The following ZNF609 variants were observed in gnomAD, a reference collection of about 807,000 sequenced individuals.
The protein encoded by ZNF609 is zinc finger protein 609.
Under a neutral mutation model 109.5 loss-of-function variants are expected in ZNF609, and 11 were observed. The observed-to-expected ratio is 0.10, with a 90% CI of 0.06 to 0.17. ZNF609 has a LOEUF of 0.17. ZNF609 is among the 10% of genes least tolerant of loss of function. The pLI, the probability that ZNF609 is intolerant of heterozygous loss-of-function variation, is 1.00. For synonymous variants in ZNF609, 646 were observed against 662.0 expected (o/e 0.98, Z 0.37); for missense variants, 1,559 against 1,772.4 (o/e 0.88, Z 2.16).
intron 2 of ZNF609, among the ~76,000 whole-genome samples, chr15:64,531,183 G>A (rs1356081173): frequency 6.6e-6 from 1 of 152,068 alleles, no homozygotes. Context: ...TGGGCAAGAT[G>A]GCAGATTCAC....
intron 3 of ZNF609, among the ~76,000 whole-genome samples, chr15:64,639,456 T>A (rs1175508748): frequency 1.3e-5 from 2 of 152,056 alleles, no homozygotes; most frequent in African/African-American, 2.4e-5. Context: ...GGAAGAATTC[T>A]TCTTTTCTTC....
Position 64,577,204 on chromosome 15 carries a change from CAT to C in ZNF609, c.748-45616_748-45615del, listed in dbSNP as rs1195507152. Among the ~76,000 whole-genome samples the C allele has an allele frequency of 8.7e-4, 69 of 79,588 alleles. 30 individuals carry two copies. Among genetic ancestry groups the C allele is most frequent in the African/African-American group, 2.6e-3 (59 of 22,376 alleles). 52.2% of individuals were successfully genotyped at this position (79,588 alleles called of 152,430 possible). On this transcript the variant is annotated intron_variant, in intron 2 of 9. Transcript: ENST00000326648. ...ATATGTGTATATATACACACAAATA[CAT>C]ATATATGTATATATATACACACAAA...
intron 2 of ZNF609, among the ~76,000 whole-genome samples, chr15:64,596,544 T>C (rs1232115886): frequency 6.6e-6 from 1 of 152,180 alleles, no homozygotes; most frequent in Non-Finnish European, 1.5e-5. Context: ...TGGCTCCTTC[T>C]CATCTTTTGG....
intron 8 of ZNF609, 97 bp downstream of exon 8, chr15:64,680,959 G>GTGGA: frequency 7.3e-7 from 1 of 1,369,884 alleles, no homozygotes; most frequent in Non-Finnish European, 9.9e-7. Flanking sequence ...CCTCCTACCT[G>GTGGA]CCTCATAAGA....
rs183057500 is a variant in ZNF609 at position 64,466,008 on chromosome 15, C to T, written c.-128+5170C>T. On this transcript the variant is annotated intron_variant, in intron 1 of 9. Transcript: ENST00000326648. ...GTGCACTCCTGTAATTCCAGCTACTCGGGAGGCTGAGGCAGGAGAATCGCT... is the reference window on the plus strand; with the variant it reads ...GTGCACTCCTGTAATTCCAGCTACTTGGGAGGCTGAGGCAGGAGAATCGCT... 2.7e-3 allele frequency among the ~76,000 whole-genome samples: 392 copies of T among 146,260 alleles called. 1 individual carries two copies. Among genetic ancestry groups the T allele is most frequent in the Non-Finnish European group, 4.5e-3 (299 of 67,082 alleles).
chr15:64,679,797 A>G (rs1204544900), intron 6 of ZNF609, among the ~76,000 whole-genome samples: 2 of 152,216 alleles, frequency 1.3e-5, no homozygotes, highest in African/African-American at 2.4e-5. Context: ...CTGAAGCTCA[A>G]AACAGTTATT....
rs150390373 is a variant in ZNF609, at chr15:64,678,158, T to A, written c.3445T>A (p.Tyr1149Asn). 24 of 1,613,954 alleles carry A rather than the reference T, an allele frequency of 1.5e-5. No individual in the cohort carries two copies. Among genetic ancestry groups the A allele is most frequent in the Non-Finnish European group, 2.0e-5 (24 of 1,180,026 alleles). ...RMWTYVYPAK[Y>N]SDIKSEDERW... ...GTGGACATATGTTTATCCTGCCAAG[T>A]ACTCAGACATCAAGTCAGAGGATGA... is the stretch of plus-strand genomic sequence containing the variant. Residue 1149 changes from tyrosine to asparagine, a missense_variant, in exon 6 of 10, where the codon TAC becomes AAC. Physicochemically the swap from Tyr to Asn is moderately radical, Grantham distance 143 (BLOSUM62 -2). This residue lies in a region of ZNF609 where 1,204 missense variants were observed against 1,314.1 expected (regional missense o/e 0.92). Coordinates refer to ENST00000326648, the MANE Select transcript of ZNF609 (RefSeq NM_015042.2).
intron 3 of ZNF609, among the ~76,000 whole-genome samples, chr15:64,654,893 G>A (rs1181525044): frequency 2.0e-5 from 3 of 151,592 alleles, no homozygotes; most frequent in African/African-American, 7.3e-5. Flanking sequence ...TCAGGAGATC[G>A]AGACCATCCT....
chr15:64,631,429 G>A (rs1303993555), intron 3 of ZNF609: 7 of 732,904 alleles, frequency 9.6e-6, no homozygotes, highest in African/African-American at 8.6e-5. Flanking sequence ...GGTAACACTT[G>A]TGGGGCATTC....
chr15:64,617,470 G>A (rs935118496), intron 2 of ZNF609, among the ~76,000 whole-genome samples: 10 of 151,204 alleles, frequency 6.6e-5, no homozygotes, highest in Non-Finnish European at 1.0e-4. Context: ...CAGCCTGGAC[G>A]ACAGAGCGAG....
At position 64,500,099 on chromosome 15, in the gene ZNF609, G is replaced by A. The variant is rs1472214764; in HGVS notation, c.680G>A (p.Gly227Glu). ...CCTGGGGCAGCGCTCAATCCTTTGG[G>A]AACTAAACCGGAGCCAGAGGAAGGG... ...IEPGAALNPL[G>E]TKPEPEEGEN... is the part of the protein sequence containing the mutation. The change falls in exon 2 of 10, where the codon GGA becomes GAA. Residue 227 changes from glycine (G) to glutamate (E), a missense_variant. Physicochemically the swap from Gly to Glu is moderately conservative, Grantham distance 98. Around this residue, in one of 4 missense-constraint regions of ZNF609, gnomAD observed 291 missense variants for 317.8 expected, o/e 0.92. Transcript: ENST00000326648. 6.2e-7 allele frequency: 1 copy of A among 1,614,084 alleles called. No homozygotes were observed. Among genetic ancestry groups the A allele is most frequent in the Non-Finnish European group, 8.5e-7 (1 of 1,180,012 alleles).
chr15:64,514,308 C>T (rs1893776718), intron 2 of ZNF609, among the ~76,000 whole-genome samples: 1 of 152,084 alleles, frequency 6.6e-6, no homozygotes, highest in South Asian at 2.1e-4. Flanking sequence ...ATCTTAGGAT[C>T]CAGATTCTCT....
intron 1 of ZNF609, among the ~76,000 whole-genome samples, chr15:64,476,151 G>C (rs1472391059): frequency 1.3e-5 from 2 of 152,162 alleles, no homozygotes; most frequent in African/African-American, 2.4e-5. Context: ...GGTTCTGCTA[G>C]GGCAATATAG....
intron 2 of ZNF609, chr15:64,529,185 C>G: frequency 4.1e-6 from 3 of 736,288 alleles, no homozygotes; most frequent in Non-Finnish European, 7.5e-6. Context: ...CATGGATGAC[C>G]TTGGCTGGGG....
At chr15:64,488,002 C>T (rs1156800594) in intron 1 of ZNF609, among the ~76,000 whole-genome samples, 1 of 152,126 alleles carries the variant, frequency 6.6e-6, no homozygotes, top group African/African-American at 2.4e-5. Context: ...ATTTATTATA[C>T]ATTTAAATAT....
chr15:64,579,221 T>C (rs1006481331), intron 2 of ZNF609, among the ~76,000 whole-genome samples: 1 of 151,260 alleles, frequency 6.6e-6, no homozygotes, highest in Non-Finnish European at 1.5e-5. Flanking sequence ...ATTTAAGAAT[T>C]AGCTAGAACA....
chr15:64,586,056 G>A (rs912931516), intron 2 of ZNF609, among the ~76,000 whole-genome samples: 1 of 152,090 alleles, frequency 6.6e-6, no homozygotes, highest in Admixed American at 6.6e-5. Context: ...CGGGTGCGGT[G>A]GCTCATGCCT....
chr15:64,481,606 C>T (rs1377192156), intron 1 of ZNF609, among the ~76,000 whole-genome samples: 1 of 151,680 alleles, frequency 6.6e-6, no homozygotes, highest in East Asian at 2.0e-4. Flanking sequence ...AGGCATGAGC[C>T]ACCGTGAAGA....
intron 2 of ZNF609, among the ~76,000 whole-genome samples, chr15:64,602,578 C>T (rs551053771): frequency 6.6e-6 from 1 of 152,160 alleles, no homozygotes; most frequent in South Asian, 2.1e-4. Flanking sequence ...CCTGGATTTA[C>T]TCATTTAAAT....
Sources: allele counts gnomAD v4.1 joint callset (sites outside exome capture counted in the v4.1 genomes callset), GRCh38; gene constraint gnomAD v4.1.1; regional missense constraint gnomAD v4.1.1; transcripts MANE v1.5; gene names NCBI Gene and HGNC (gene_info 2026-07-23, HGNC 2026-07-21).